SLCO3A1: variants seen among roughly 807,000 people sequenced by gnomAD.
SLCO3A1 encodes the protein solute carrier organic anion transporter family member 3A1.
Under a neutral mutation model 63.1 loss-of-function variants are expected in SLCO3A1, and 27 were observed. The observed-to-expected ratio is 0.43, with a 90% confidence interval of 0.32 to 0.59. The LOEUF (loss-of-function observed/expected upper bound fraction) is 0.59. SLCO3A1 is among the 20% of genes least tolerant of loss of function. SLCO3A1 has a pLI of 0.09. For missense variants in SLCO3A1, 773 were observed against 945.8 expected (o/e 0.82, Z 2.40); for synonymous variants, 473 against 409.9 (o/e 1.15, Z -1.86).
rs57860021 is a variant in SLCO3A1, at chr15:91,880,170, C to CATCTATCTATCTATCTATCTATCT, written c.180+26086_180+26109dup. Among the ~76,000 whole-genome samples the CATCTATCTATCTATCTATCTATCT allele has an allele frequency of 1.8e-3, 228 of 126,140 alleles. 2 individuals carry two copies. The highest frequency in any genetic ancestry group is 5.4e-3 in the East Asian group (22 of 4,050). The allele number at this position is 126,140 out of a possible 152,430, so 82.8% of individuals were successfully genotyped here. On this transcript the variant is annotated intron_variant, in intron 1 of 9. Coordinates refer to ENST00000318445, the MANE Select transcript of SLCO3A1 (RefSeq NM_013272.4). Reference sequence around the variant, plus strand: ...CCATCCATCCATCCATCCATCCATCCATCTATCTATCTATCTATCTATCTA... The same window carrying CATCTATCTATCTATCTATCTATCT: ...CCATCCATCCATCCATCCATCCATCCATCTATCTATCTATCTATCTATCTATCTATCTATCTATCTATCTATCTA...
rs1358801240 is a variant in SLCO3A1 at position 92,092,565 on chromosome 15, G to A, written c.647-2316G>A. On this transcript the variant is annotated intron_variant, in intron 2 of 9. Coordinates refer to ENST00000318445, the MANE Select transcript of SLCO3A1 (RefSeq NM_013272.4). ...TTACCACAGCCTGCAGCCTGGATGGGAGGATATGACTGGCTTCAGGACTTT... is the reference window on the plus strand; with the variant it reads ...TTACCACAGCCTGCAGCCTGGATGGAAGGATATGACTGGCTTCAGGACTTT... Among the ~76,000 whole-genome samples the A allele has an allele frequency of 2.6e-5, 4 of 152,030 alleles. 1 individual carries two copies. The highest frequency in any genetic ancestry group is 2.6e-4 in the Admixed American group (4 of 15,262).
At position 91,897,091 on chromosome 15, in the gene SLCO3A1, A is replaced by G. The variant is rs1898024280; in HGVS notation, c.181-18902A>G. Among the ~76,000 whole-genome samples, 1 of 152,214 alleles carries G rather than the reference A, an allele frequency of 6.6e-6. No homozygotes were observed. The highest frequency in any genetic ancestry group is 1.9e-4 in the East Asian group (1 of 5,196). The stretch of plus-strand genomic sequence containing the variant: ...CCATTTTAGCAGCTGGAAAGTTGTG[A>G]GAAATCAAAGTAACCGTAAGATAAG... On this transcript the variant is annotated intron_variant, in intron 1 of 9. Transcript: ENST00000318445. The surrounding 1 kb of genome is among the most constrained non-coding windows in gnomAD (Gnocchi z 4.7).
intron 1 of SLCO3A1, among the ~76,000 whole-genome samples, chr15:91,884,023 GATA>G (rs1201990839): frequency 1.3e-5 from 2 of 152,182 alleles, no homozygotes; most frequent in African/African-American, 4.8e-5. Flanking sequence ...TCAAAATAAT[GATA>G]ATAAGAATCG....
At chr15:92,029,911 A>T (rs932996468) in intron 2 of SLCO3A1, among the ~76,000 whole-genome samples, 2 of 152,016 alleles carry the variant, frequency 1.3e-5, no homozygotes, top group Non-Finnish European at 2.9e-5. Flanking sequence ...AGAGTCTGTG[A>T]ACCAAAAGGC....
intron 2 of SLCO3A1, among the ~76,000 whole-genome samples, chr15:92,020,634 A>T (rs2046497575): frequency 6.6e-6 from 1 of 152,182 alleles, no homozygotes; most frequent in Non-Finnish European, 1.5e-5. Flanking sequence ...AGTAAGAGGG[A>T]TGGCACCGTG....
intron 4 of SLCO3A1, among the ~76,000 whole-genome samples, chr15:92,118,733 T>C (rs776654632): frequency 2.0e-5 from 3 of 152,198 alleles, no homozygotes; most frequent in Non-Finnish European, 4.4e-5. Context: ...CTGATCAGTT[T>C]TTCCTAGACG....
chr15:92,047,031 T>A (rs1372298672), intron 2 of SLCO3A1, among the ~76,000 whole-genome samples: 1 of 78,688 alleles, frequency 1.3e-5, no homozygotes, highest in African/African-American at 4.9e-5. Flanking sequence ...TATATAAATA[T>A]ATATATATAA....
chr15:92,002,944 G>A (rs2151455087), intron 2 of SLCO3A1, among the ~76,000 whole-genome samples: 1 of 152,214 alleles, frequency 6.6e-6, no homozygotes, highest in South Asian at 2.1e-4. Flanking sequence ...AACATCCCAA[G>A]CCTCAATTCT....
At chr15:91,960,468 A>G (rs1002593733) in intron 2 of SLCO3A1, among the ~76,000 whole-genome samples, 2 of 152,188 alleles carry the variant, frequency 1.3e-5, no homozygotes, top group African/African-American at 4.8e-5. Context: ...TTTGGTGTGG[A>G]CGAGGCAACC....
At chr15:91,981,501 T>C (rs2045986457) in intron 2 of SLCO3A1, among the ~76,000 whole-genome samples, 1 of 152,182 alleles carries the variant, frequency 6.6e-6, no homozygotes, top group South Asian at 2.1e-4. Context: ...CTTTTTCCTC[T>C]AGTTCTTCCC....
At chr15:91,929,448 C>A (rs1899145772) in intron 2 of SLCO3A1, among the ~76,000 whole-genome samples, 1 of 152,180 alleles carries the variant, frequency 6.6e-6, no homozygotes, top group Non-Finnish European at 1.5e-5. Flanking sequence ...CCACGTGTTC[C>A]ATGTTGGAGC....
At chr15:91,989,587 T>C (rs2046100630) in intron 2 of SLCO3A1, among the ~76,000 whole-genome samples, 1 of 152,140 alleles carries the variant, frequency 6.6e-6, no homozygotes. Flanking sequence ...AGTTGCAGAG[T>C]CATGGTACAA....
At position 92,150,930 on chromosome 15, in the gene SLCO3A1, C is replaced by G; in HGVS notation, c.1689-20C>G. 1 of 1,575,154 alleles carries G rather than the reference C, an allele frequency of 6.3e-7. No individual in the cohort carries two copies. The highest frequency in any genetic ancestry group is 1.9e-5 in the Admixed American group (1 of 52,816). On this transcript the variant is annotated intron_variant, in intron 8 of 9. Transcript: ENST00000318445. ...GATAAAAATCTGGTTTTTTTTTTCT[C>G]TTCATCTCTTTGCACGTAGGACAGT...
intron 2 of SLCO3A1, among the ~76,000 whole-genome samples, chr15:92,087,511 CTAT>C (rs931355916): frequency 6.9e-5 from 10 of 144,394 alleles, no homozygotes; most frequent in African/African-American, 2.6e-4. Context: ...CTTTTATTAT[CTAT>C]TATTTTTTTT....
At chr15:92,141,764 T>C (rs1278385680) in intron 7 of SLCO3A1, among the ~76,000 whole-genome samples, 3 of 152,216 alleles carry the variant, frequency 2.0e-5, no homozygotes, top group Admixed American at 6.5e-5. Flanking sequence ...GGAAGATCCC[T>C]CCTTAACAGC....
chr15:92,169,649 G>A (rs577972482), downstream of SLCO3A1, among the ~76,000 whole-genome samples: 1 of 152,338 alleles, frequency 6.6e-6, no homozygotes, highest in African/African-American at 2.4e-5. Flanking sequence ...CCACAGTGCT[G>A]GTCATCGGCT....
chr15:92,058,971 C>A (rs921842120), intron 2 of SLCO3A1, among the ~76,000 whole-genome samples: 3 of 152,158 alleles, frequency 2.0e-5, no homozygotes, highest in African/African-American at 7.2e-5. Context: ...ATCCTGAGAT[C>A]CTTCATTTCA....
intron 2 of SLCO3A1, among the ~76,000 whole-genome samples, chr15:91,980,020 C>T (rs759229974): frequency 4.6e-5 from 7 of 152,166 alleles, no homozygotes; most frequent in African/African-American, 1.2e-4. Flanking sequence ...CTTCACCATC[C>T]GCATTTGGTG....
intron 2 of SLCO3A1, among the ~76,000 whole-genome samples, chr15:91,947,671 G>A (rs1351749714): frequency 1.3e-5 from 2 of 152,152 alleles, no homozygotes; most frequent in East Asian, 1.9e-4. Context: ...GTTAGTTCCC[G>A]ACATTCACTC....
Sources: allele counts gnomAD v4.1 joint callset (sites outside exome capture counted in the v4.1 genomes callset), GRCh38; gene constraint gnomAD v4.1.1; non-coding constraint Gnocchi (gnomAD v3.1); transcripts MANE v1.5; gene names NCBI Gene and HGNC (gene_info 2026-07-23, HGNC 2026-07-21).